Variants in OGN observed in about 807,000 individuals in gnomAD.
The protein encoded by OGN is mimecan.
OGN carries 19 observed loss-of-function variants against 30.8 expected under a neutral mutation model. The ratio of observed to expected loss-of-function variants is 0.62; its 90% CI spans 0.43 to 0.90. The LOEUF is 0.90. Among genes scored for constraint, OGN ranks in the 40% least tolerant of loss-of-function variants. The probability of loss-of-function intolerance (pLI) is 0.00; values close to 1 mark genes in which losing one functional copy is unlikely to be tolerated. For missense variants in OGN, 283 were observed against 349.7 expected (o/e 0.81, Z 1.52); for synonymous variants, 126 against 128.3 (o/e 0.98, Z 0.12).
rs1282003031 is a variant in OGN, at chr9:92,389,844, A to G, written c.630+10T>C. On this transcript the variant is annotated intron_variant, in intron 5 of 6. Transcript: ENST00000375561. ...TCATACTATGCTTAGTTTTACTATAAAATACTTACTTTGAATGCATTTGCT... is the reference window on the plus strand; with the variant it reads ...TCATACTATGCTTAGTTTTACTATAGAATACTTACTTTGAATGCATTTGCT... 2 of 1,575,368 alleles carry G rather than the reference A, an allele frequency of 1.3e-6. No homozygotes were observed. The highest frequency in any genetic ancestry group is 4.5e-5 in the East Asian group (2 of 44,550).
intron 1 of OGN, among the ~76,000 whole-genome samples, chr9:92,404,220 T>C (rs1164435782): frequency 6.6e-6 from 1 of 152,156 alleles, no homozygotes; most frequent in East Asian, 1.9e-4. Flanking sequence ...ACAGAATCAC[T>C]CAAGAGTTGC....
intron 5 of OGN, chr9:92,389,645 AT>A (rs1332107522): frequency 9.8e-6 from 4 of 409,822 alleles, no homozygotes; most frequent in Non-Finnish European, 1.7e-5. Flanking sequence ...ATGAAATAAA[AT>A]AAAGGTTATG....
chr9:92,397,080 G>A lies in OGN; in HGVS notation c.269-3836C>T, dbSNP rs1358605328. On this transcript the variant is annotated intron_variant, in intron 3 of 6. Transcript: ENST00000375561. ...TAGTCCCAGCTACTTGGGAGGCTGA[G>A]GCAGGAGGATTGCTGGAGCCCAGGA... Among the ~76,000 whole-genome samples the A allele has an allele frequency of 3.9e-5, 6 of 151,994 alleles. No individual in the cohort carries two copies. In the East Asian group the frequency reaches 1.2e-3, roughly 30 times the overall value.
intron 3 of OGN, among the ~76,000 whole-genome samples, chr9:92,399,369 G>A (rs750192340): frequency 9.9e-5 from 15 of 151,704 alleles, no homozygotes; most frequent in Non-Finnish European, 1.5e-4. Context: ...TTTTTCCAGT[G>A]GATTTTTGGT....
upstream of OGN, chr9:92,404,583 A>G (rs1475465330): frequency 7.7e-7 from 1 of 1,292,886 alleles, no homozygotes; most frequent in South Asian, 1.3e-5. Flanking sequence ...GTGAATGAGA[A>G]AAGCTATGTC....
In OGN at chr9:92,404,570, A is replaced by T. The variant is rs1489401655; in HGVS notation, c.-150T>A. ...TGTCTGTGCATTAGCCCCAAGTGGG[A>T]GGGTGAATGAGAAAAGCTATGTCTT... On this transcript the variant is annotated 5_prime_UTR_variant, in exon 1 of 7. Coordinates refer to ENST00000375561, the MANE Select transcript of OGN (RefSeq NM_014057.5). 4.4e-5 allele frequency: 57 copies of T among 1,293,356 alleles called. No homozygotes were observed. In the Admixed American group the frequency reaches 1.4e-3, roughly 31 times the overall value. 80.1% of individuals were successfully genotyped at this position (1,293,356 alleles called of 1,614,324 possible). A position where few individuals can be genotyped will look rare whatever the true frequency, so the allele number is the denominator to read the frequency against.
At chr9:92,394,773 T>G (rs1842827973) in intron 3 of OGN, among the ~76,000 whole-genome samples, 1 of 151,268 alleles carries the variant, frequency 6.6e-6, no homozygotes, top group South Asian at 2.1e-4. Context: ...TCCGGCTAAT[T>G]TTTTTGTATT....
At chr9:92,388,163 C>G (rs1842511545) in intron 5 of OGN, among the ~76,000 whole-genome samples, 1 of 151,508 alleles carries the variant, frequency 6.6e-6, no homozygotes, top group Non-Finnish European at 1.5e-5. Flanking sequence ...TGTTGATCAG[C>G]TCCTTTTTTT....
chr9:92,399,488 G>T (rs1291761165), intron 3 of OGN, among the ~76,000 whole-genome samples: 1 of 151,814 alleles, frequency 6.6e-6, no homozygotes, highest in Non-Finnish European at 1.5e-5. Flanking sequence ...TTATTTATCT[G>T]TAGTATATGT....
At chr9:92,394,987 G>A (rs1842836907) in intron 3 of OGN, among the ~76,000 whole-genome samples, 1 of 152,254 alleles carries the variant, frequency 6.6e-6, no homozygotes, top group African/African-American at 2.4e-5. Context: ...TATTTTAATA[G>A]TCAAATTGTC....
At position 92,390,011 on chromosome 9, in the gene OGN, A is replaced by G. The variant is rs772354861; in HGVS notation, c.473T>C (p.Ile158Thr). Reference sequence around the variant, plus strand: ...AAGTTTTGAAAAAGTACCATCTTCTATATCTTCTATCAAATTTCCTGTAAA... The same window carrying G: ...AAGTTTTGAAAAAGTACCATCTTCTGTATCTTCTATCAAATTTCCTGTAAA... ...LDFTGNLIED[I>T]EDGTFSKLSL... The change falls in exon 5 of 7, where the codon ATA becomes ACA. Residue 158 changes from isoleucine to threonine, a missense_variant. Physicochemically the swap from Ile to Thr is moderately conservative, Grantham distance 89. Transcript: ENST00000375561. The G allele has an allele frequency of 6.2e-6, 10 of 1,608,034 alleles. No individual in the cohort carries two copies. Among genetic ancestry groups the G allele is most frequent in the South Asian group, 1.1e-5 (1 of 90,456 alleles).
intron 3 of OGN, among the ~76,000 whole-genome samples, chr9:92,396,103 C>T (rs1344205964): frequency 6.6e-6 from 1 of 152,110 alleles, no homozygotes; most frequent in Non-Finnish European, 1.5e-5. Flanking sequence ...TCTTTCAGCA[C>T]CGTTTTTTAA....
chr9:92,398,871 G>A (rs1842995235), intron 3 of OGN, among the ~76,000 whole-genome samples: 1 of 152,130 alleles, frequency 6.6e-6, no homozygotes, highest in East Asian at 1.9e-4. Flanking sequence ...AGACCAGCCT[G>A]ACCAACATGG....
At chr9:92,387,981 C>T (rs1230015835) in intron 5 of OGN, among the ~76,000 whole-genome samples, 1 of 151,142 alleles carries the variant, frequency 6.6e-6, no homozygotes, top group African/African-American at 2.4e-5. Context: ...CCAGGCTGGT[C>T]TCGAACTCTT....
intron 3 of OGN, among the ~76,000 whole-genome samples, chr9:92,398,367 C>G (rs1335645293): frequency 6.6e-6 from 1 of 152,084 alleles, no homozygotes; most frequent in Non-Finnish European, 1.5e-5. Context: ...CAGCATTGTT[C>G]TAAAAATTAA....
Position 92,401,116 on chromosome 9 carries a change from A to G in OGN, c.244T>C (p.Leu82=). The G allele has an allele frequency of 6.6e-7, 1 of 1,517,896 alleles. No homozygotes were observed. Among genetic ancestry groups the G allele is most frequent in the Non-Finnish European group, 9.1e-7 (1 of 1,094,714 alleles). The allele number at this position is 1,517,896 out of a possible 1,614,324, so 94.0% of individuals were successfully genotyped here. ...CCATCATTTTCTTTCTTGGGAGGTA[A>G]TGGTGTTATTGCCTCATCTTTTTGT... The part of the protein sequence containing the change: ...QLQKDEAITP[L]PPKKENDEMP... Residue 82 remains leucine, a synonymous_variant, in exon 3 of 7, where the codon TTA becomes CTA. Coordinates refer to ENST00000375561, the MANE Select transcript of OGN (RefSeq NM_014057.5).
chr9:92,395,403 A>G (rs527361469), intron 3 of OGN, among the ~76,000 whole-genome samples: 1 of 152,314 alleles, frequency 6.6e-6, no homozygotes, highest in African/African-American at 2.4e-5. Context: ...TTGTCTCAAT[A>G]TATACAATTT....
At chr9:92,397,872 CAT>C (rs1564298598) in intron 3 of OGN, among the ~76,000 whole-genome samples, 1 of 152,144 alleles carries the variant, frequency 6.6e-6, no homozygotes, top group African/African-American at 2.4e-5. Flanking sequence ...CATACACACA[CAT>C]AGAGATAAAC....
rs114891513 is a variant in OGN, at chr9:92,393,257, T to G, written c.269-13A>C. 268 of 1,563,676 alleles carry G rather than the reference T, an allele frequency of 1.7e-4. 2 individuals are homozygous for G. The African/African-American group carries it at 3.2e-3, about 19-fold the overall frequency. On this transcript the variant is annotated splice_polypyrimidine_tract_variant and intron_variant, in intron 3 of 6. Transcript: ENST00000375561. ...CACGTGGGCATTTCTAAATTGGGAA[T>G]AAAATCATAAAAATATGAACAATCG...
Sources: allele counts gnomAD v4.1 joint callset (sites outside exome capture counted in the v4.1 genomes callset), GRCh38; gene constraint gnomAD v4.1.1; transcripts MANE v1.5; gene names NCBI Gene and HGNC (gene_info 2026-07-23, HGNC 2026-07-21).